ANO6: variants seen among roughly 807,000 people sequenced by gnomAD.
The protein encoded by ANO6 is anoctamin 6, also known as anoctamin-6.
ANO6 carries 106 observed loss-of-function variants against 117.5 expected under a neutral mutation model. The ratio of observed to expected loss-of-function variants is 0.90; its 90% CI spans 0.77 to 1.06. ANO6 has a LOEUF of 1.06. Among genes scored for constraint, ANO6 ranks in the 50% least tolerant of loss-of-function variants. The pLI, the probability that ANO6 is intolerant of heterozygous loss-of-function variation, is 0.00. For synonymous variants in ANO6, 367 were observed against 385.1 expected, an observed-to-expected ratio of 0.95 and a Z score of 0.55; for missense variants, 955 against 1,121.1, an observed-to-expected ratio of 0.85 and a Z score of 2.12.
intron 19 of ANO6, among the ~76,000 whole-genome samples, chr12:45,425,784 A>G (rs1161280799): frequency 6.6e-6 from 1 of 152,250 alleles, no homozygotes; most frequent in East Asian, 1.9e-4. Context: ...GGCTAAGAGT[A>G]GCCTAAATCC....
intron 3 of ANO6, among the ~76,000 whole-genome samples, chr12:45,336,433 G>T (rs1457012322): frequency 6.6e-6 from 1 of 151,970 alleles, no homozygotes; most frequent in Non-Finnish European, 1.5e-5. Context: ...AATTATTTAT[G>T]TATGGTCATA....
At chr12:45,252,684 G>A (rs745727547) in intron 1 of ANO6, among the ~76,000 whole-genome samples, 48 of 152,142 alleles carry the variant, frequency 3.2e-4, no homozygotes, top group Non-Finnish European at 4.6e-4. Context: ...CCCTTCTACT[G>A]AGCCAAAACA....
intron 9 of ANO6, among the ~76,000 whole-genome samples, chr12:45,369,478 T>C (rs1349844928): frequency 2.0e-5 from 3 of 151,770 alleles, no homozygotes; most frequent in Non-Finnish European, 4.4e-5. Flanking sequence ...CTTTCAAATA[T>C]ACCCCTGTGT....
At chr12:45,319,071 T>A (rs1164516863) in intron 2 of ANO6, among the ~76,000 whole-genome samples, 1 of 152,188 alleles carries the variant, frequency 6.6e-6, no homozygotes, top group Admixed American at 6.5e-5. Context: ...ACAGGGACAA[T>A]TTGACTTCCT....
At chr12:45,287,876 C>G (rs1042542442) in intron 1 of ANO6, among the ~76,000 whole-genome samples, 1 of 152,022 alleles carries the variant, frequency 6.6e-6, no homozygotes, top group African/African-American at 2.4e-5. Context: ...ACTCCTTATC[C>G]TTTTGCTTAC....
At chr12:45,346,293 A>G (rs1382642212) in intron 3 of ANO6, among the ~76,000 whole-genome samples, 1 of 152,314 alleles carries the variant, frequency 6.6e-6, no homozygotes, top group East Asian at 1.9e-4. Context: ...AAGGTCAAAC[A>G]AGTCTCCATC....
chr12:45,324,042 A>G (rs1277096898), intron 2 of ANO6, among the ~76,000 whole-genome samples: 1 of 151,206 alleles, frequency 6.6e-6, no homozygotes, highest in Admixed American at 6.6e-5. Context: ...GGTTCAAGCA[A>G]TTCTCCTGCC....
intron 9 of ANO6, among the ~76,000 whole-genome samples, chr12:45,371,946 G>C (rs1300449005): frequency 6.6e-6 from 1 of 151,732 alleles, no homozygotes; most frequent in South Asian, 2.1e-4. Context: ...CAAAGGCAAA[G>C]AAGTTGAAAA....
At position 45,235,807 on chromosome 12, in the gene ANO6, G is replaced by A. The variant is rs571679595; in HGVS notation, c.70+19416G>A. The stretch of plus-strand genomic sequence containing the variant: ...TTTTCCTTCCCTCCCTCACACTGAC[G>A]GCATTCCTGAACTAGCATGCCTGTC... On this transcript the variant is annotated intron_variant, in intron 1 of 19. Transcript: ENST00000320560. Among the ~76,000 whole-genome samples the A allele has an allele frequency of 1.1e-4, 17 of 152,244 alleles. No homozygotes were observed. The South Asian group carries it at 1.5e-3, about 13-fold the overall frequency.
In ANO6 at chr12:45,281,407, G is replaced by A. The variant is rs542647771; in HGVS notation, c.71-20607G>A. 5.3e-5 allele frequency among the ~76,000 whole-genome samples: 8 copies of A among 152,276 alleles called. No individual in the cohort carries two copies. The South Asian group carries it at 1.7e-3, about 32-fold the overall frequency. ...TTATAAAGAAAATAAGTTTATTTTG[G>A]CTCACAGTTCTGCAGGCTATACAGG... On this transcript the variant is annotated intron_variant, in intron 1 of 19. Transcript: ENST00000320560.
At chr12:45,269,599 CG>C (rs1938328070) in intron 1 of ANO6, among the ~76,000 whole-genome samples, 1 of 152,110 alleles carries the variant, frequency 6.6e-6, no homozygotes, top group Non-Finnish European at 1.5e-5. Context: ...TAAGTAACCT[CG>C]GGGGTAGGGA....
At chr12:45,288,889 A>G (rs1339601300) in intron 1 of ANO6, among the ~76,000 whole-genome samples, 1 of 151,166 alleles carries the variant, frequency 6.6e-6, no homozygotes, top group Non-Finnish European at 1.5e-5. Flanking sequence ...CTGGGACTAC[A>G]GGCGCCTGCC....
At chr12:45,405,027 C>G (rs17095860) in intron 15 of ANO6, among the ~76,000 whole-genome samples, 4,813 of 152,148 alleles carry the variant, frequency 0.032, 104 homozygotes, top group African/African-American at 0.06. Context: ...GGGTCTTTCT[C>G]TAAACAAAGA....
At chr12:45,241,839 G>A (rs1243139867) in intron 1 of ANO6, among the ~76,000 whole-genome samples, 13 of 152,222 alleles carry the variant, frequency 8.5e-5, no homozygotes, top group Admixed American at 8.5e-4. Context: ...TTTGCTGGAT[G>A]TCCACTCCAG....
At chr12:45,286,235 A>G (rs1229791403) in intron 1 of ANO6, among the ~76,000 whole-genome samples, 1 of 152,190 alleles carries the variant, frequency 6.6e-6, no homozygotes, top group Non-Finnish European at 1.5e-5. Context: ...CCTGGGCTCA[A>G]GCAATCCTCC....
At chr12:45,339,240 A>G (rs1056547549) in intron 3 of ANO6, among the ~76,000 whole-genome samples, 3 of 152,124 alleles carry the variant, frequency 2.0e-5, no homozygotes, top group Admixed American at 1.3e-4. Context: ...CTTGTTAAAA[A>G]TAGATTGTCC....
intron 1 of ANO6, among the ~76,000 whole-genome samples, chr12:45,260,940 A>C (rs1565651109): frequency 6.6e-6 from 1 of 151,764 alleles, no homozygotes; most frequent in Non-Finnish European, 1.5e-5. Flanking sequence ...AGCATGTGCC[A>C]CCGCAACCGG....
chr12:45,294,215 T>C (rs1939213498), intron 1 of ANO6, among the ~76,000 whole-genome samples: 1 of 152,174 alleles, frequency 6.6e-6, no homozygotes, highest in Non-Finnish European at 1.5e-5. Flanking sequence ...GGAATTGAAC[T>C]GATGATAATA....
intron 10 of ANO6, among the ~76,000 whole-genome samples, chr12:45,381,580 T>C (rs1441750075): frequency 1.3e-5 from 2 of 152,198 alleles, no homozygotes; most frequent in African/African-American, 4.8e-5. Flanking sequence ...GTGCCTTCCA[T>C]AGACCCTGCA....
Sources: allele counts gnomAD v4.1 joint callset (sites outside exome capture counted in the v4.1 genomes callset), GRCh38; gene constraint gnomAD v4.1.1; transcripts MANE v1.5; gene names NCBI Gene and HGNC (gene_info 2026-07-23, HGNC 2026-07-21).